The following JAKMIP1 variants were observed in gnomAD, a reference collection of about 807,000 sequenced individuals.
JAKMIP1 encodes janus kinase and microtubule-interacting protein 1.
Under a neutral mutation model 113.0 loss-of-function variants are expected in JAKMIP1, and 33 were observed. The ratio of observed to expected loss-of-function variants is 0.29; its 90% CI spans 0.22 to 0.39. JAKMIP1 has a LOEUF of 0.39. JAKMIP1 is among the 10% of genes least tolerant of loss of function. JAKMIP1 has a pLI of 1.00. For missense variants in JAKMIP1, 813 were observed against 1,080.5 expected, an observed-to-expected ratio of 0.75 and a Z score of 3.47; for synonymous variants, 480 against 459.9, an observed-to-expected ratio of 1.04 and a Z score of -0.56.
chr4:6,056,720 T>C lies in JAKMIP1; in HGVS notation c.1684A>G (p.Thr562Ala). The C allele has an allele frequency of 6.2e-7, 1 of 1,613,802 alleles. No homozygotes were observed. The highest frequency in any genetic ancestry group is 8.5e-7 in the Non-Finnish European group (1 of 1,179,824). Residue 562 changes from threonine (T) to alanine (A), a missense_variant, in exon 12 of 21, where the codon ACA becomes GCA. Physicochemically the swap from Thr to Ala is moderately conservative, Grantham distance 58. This residue lies in a region of JAKMIP1 where 273 missense variants were observed against 426.6 expected (regional missense o/e 0.64). Transcript: ENST00000409021. ...WVEEKQLLIR[T>A]NQDLLEKIYR... is the part of the protein sequence containing the mutation. ...ACCTTTTCCAGCAAGTCTTGGTTTG[T>C]TCTGATGAGCAGCTGCTTCTCTTCA...
At position 6,157,924 on chromosome 4, in the gene JAKMIP1, A is replaced by T. The variant is rs1470135097; in HGVS notation, c.-148+42329T>A. Among the ~76,000 whole-genome samples, 1 of 152,262 alleles carries T rather than the reference A, an allele frequency of 6.6e-6. No homozygotes were observed. The highest frequency in any genetic ancestry group is 1.5e-5 in the Non-Finnish European group (1 of 68,040). ...GGGTGTCTTGCTTTGCATCAGCAGC[A>T]CTAACTCCTGATGCAACAGCTTTCT... On this transcript the variant is annotated intron_variant, in intron 1 of 20. Coordinates refer to ENST00000409021, the MANE Select transcript of JAKMIP1 (RefSeq NM_001099433.2). This position sits in a 1 kb window ranked among gnomAD's most constrained non-coding sequence, Gnocchi z 4.7.
chr4:6,117,277 T>G (rs924670177), intron 1 of JAKMIP1, among the ~76,000 whole-genome samples: 2 of 151,834 alleles, frequency 1.3e-5, no homozygotes, highest in African/African-American at 4.8e-5. Context: ...GCTTGAGAAA[T>G]AAAAGAATAG....
chr4:6,062,584 T>C (rs1717461027), intron 9 of JAKMIP1, 144 bp from the exon 10 acceptor site: 10 of 879,430 alleles, frequency 1.1e-5, no homozygotes, highest in Non-Finnish European at 1.4e-5. Context: ...AACGACCACA[T>C]CTCACAGTGC....
At position 6,106,096 on chromosome 4, in the gene JAKMIP1, A is replaced by G. The variant is rs1011214995; in HGVS notation, c.130-129T>C. On this transcript the variant is annotated intron_variant, in intron 2 of 20. Transcript: ENST00000409021. This position sits in a 1 kb window ranked among gnomAD's most constrained non-coding sequence, Gnocchi z 5.9. ...GACACCCACCTGGGCCCACGTTCCCATGGATTCCCCCTTCGGCAGTGCCCT... is the reference window on the plus strand; with the variant it reads ...GACACCCACCTGGGCCCACGTTCCCGTGGATTCCCCCTTCGGCAGTGCCCT... 13 of 634,952 alleles carry G rather than the reference A, an allele frequency of 2.0e-5. No homozygotes were observed. The highest frequency in any genetic ancestry group is 3.7e-5 in the African/African-American group (2 of 54,354). 39.3% of individuals were successfully genotyped at this position (634,952 alleles called of 1,614,324 possible).
intron 3 of JAKMIP1, among the ~76,000 whole-genome samples, chr4:6,098,268 T>C (rs1712183436): frequency 6.6e-6 from 1 of 152,046 alleles, no homozygotes; most frequent in African/African-American, 2.4e-5. Context: ...CTGTCTCTAC[T>C]AAAAATACAA....
In JAKMIP1 at chr4:6,129,814, C is replaced by T. The variant is rs1348667544; in HGVS notation, c.-147-16817G>A. On this transcript the variant is annotated intron_variant, in intron 1 of 20. Coordinates refer to ENST00000409021, the MANE Select transcript of JAKMIP1 (RefSeq NM_001099433.2). This position sits in a 1 kb window ranked among gnomAD's most constrained non-coding sequence, Gnocchi z 5.4. ...TCCTGTTTCTGGCAGCCTCAATTGC[C>T]ACCATCACCTGTCACTGTCCCCCAG... 1.3e-5 allele frequency among the ~76,000 whole-genome samples: 2 copies of T among 152,190 alleles called. No individual in the cohort carries two copies. The highest frequency in any genetic ancestry group is 6.5e-5 in the Admixed American group (1 of 15,280).
chr4:6,054,833 G>A (rs1272104111), intron 12 of JAKMIP1: 1 of 456,642 alleles, frequency 2.2e-6, no homozygotes, highest in African/African-American at 2.0e-5. Context: ...CGAGGGCTTT[G>A]AGTAAAGCCT....
rs530328146 is a variant in JAKMIP1, at chr4:6,053,890, T to A, written c.1806+160A>T. 3 of 1,521,222 alleles carry A rather than the reference T, an allele frequency of 2.0e-6. No homozygotes were observed. The African/African-American group carries it at 4.2e-5, about 21-fold the overall frequency. 94.2% of individuals were successfully genotyped at this position (1,521,222 alleles called of 1,614,324 possible). A position where few individuals can be genotyped will look rare whatever the true frequency, so the allele number is the denominator to read the frequency against. On this transcript the variant is annotated intron_variant, in intron 13 of 20. Coordinates refer to ENST00000409021, the MANE Select transcript of JAKMIP1 (RefSeq NM_001099433.2). ...TAAGGCAGTGAAATTATTCTGAACA[T>A]ACAGATTTAAAAAAAAAAAGAAAGA...
intron 1 of JAKMIP1, among the ~76,000 whole-genome samples, chr4:6,132,219 T>A (rs1475518360): frequency 2.0e-5 from 3 of 152,188 alleles, no homozygotes; most frequent in African/African-American, 7.2e-5. Flanking sequence ...AGCAGTGTGT[T>A]GTTATTTGAA....
chr4:6,059,641 G>A lies in JAKMIP1; in HGVS notation c.1644+783C>T, dbSNP rs750662690. ...AAACAGCCAAGCAGAGGAAAAGTTCGAGATGGGGCAGTTCCAAGATGGTGG... is the reference window on the plus strand; with the variant it reads ...AAACAGCCAAGCAGAGGAAAAGTTCAAGATGGGGCAGTTCCAAGATGGTGG... On this transcript the variant is annotated intron_variant, in intron 11 of 20. Transcript: ENST00000409021. The surrounding 1 kb of genome is among the most constrained non-coding windows in gnomAD (Gnocchi z 4.8). Among the ~76,000 whole-genome samples, 15 of 152,140 alleles carry A rather than the reference G, an allele frequency of 9.9e-5. No homozygotes were observed. The highest frequency in any genetic ancestry group is 1.9e-4 in the East Asian group (1 of 5,138).
chr4:6,062,657 G>T (rs537013427), intron 9 of JAKMIP1, among the ~76,000 whole-genome samples: 126 of 152,306 alleles, frequency 8.3e-4, no homozygotes, highest in African/African-American at 3.0e-3. Flanking sequence ...GGAGGAAAGG[G>T]CTGCCAGGAG....
At position 6,108,166 on chromosome 4, in the gene JAKMIP1, G is replaced by T. The variant is rs540300951; in HGVS notation, c.130-2199C>A. 6.6e-6 allele frequency among the ~76,000 whole-genome samples: 1 copy of T among 152,186 alleles called. No individual in the cohort carries two copies. The highest frequency in any genetic ancestry group is 2.4e-5 in the African/African-American group (1 of 41,500). On this transcript the variant is annotated intron_variant, in intron 2 of 20. Coordinates refer to ENST00000409021, the MANE Select transcript of JAKMIP1 (RefSeq NM_001099433.2). This position sits in a 1 kb window ranked among gnomAD's most constrained non-coding sequence, Gnocchi z 5.6. ...GGGCCTGGGGACAGGGCCCTGCTGGGTCCCTCCAGCTCTGCCCAAAGCTGC... is the reference window on the plus strand; with the variant it reads ...GGGCCTGGGGACAGGGCCCTGCTGGTTCCCTCCAGCTCTGCCCAAAGCTGC...
chr4:6,070,301 AAC>A (rs1173284288), intron 8 of JAKMIP1: 1 of 389,182 alleles, frequency 2.6e-6, no homozygotes, highest in African/African-American at 2.1e-5. Context: ...CCTTTCCTCT[AAC>A]ACACCCGCCC....
At chr4:6,047,657 C>T (rs749978733) in intron 16 of JAKMIP1, among the ~76,000 whole-genome samples, 8 of 152,342 alleles carry the variant, frequency 5.3e-5, no homozygotes, top group Middle Eastern at 6.8e-3. Flanking sequence ...GTATCCTTTA[C>T]TTGATTGAGG....
In JAKMIP1 at chr4:6,026,205, G is replaced by A. The variant is rs772410033; in HGVS notation, c.*23C>T. ...TGCGAAAAGGAAAGGATACCAACCC[G>A]AGTTCTTGGCTCACTGAAGTCATCA... On this transcript the variant is annotated 3_prime_UTR_variant, in exon 21 of 21. Transcript: ENST00000409021. The A allele has an allele frequency of 3.4e-5, 53 of 1,547,014 alleles. No individual in the cohort carries two copies. Among genetic ancestry groups the A allele is most frequent in the African/African-American group, 2.9e-4 (21 of 72,642 alleles).
At position 6,186,012 on chromosome 4, in the gene JAKMIP1, G is replaced by A. The variant is rs1039954097; in HGVS notation, c.-148+14241C>T. ...GTGCTGGACAATAAGAGGGAGAAGA[G>A]GGGCACTCCATTCAGTAATGGAGAT... On this transcript the variant is annotated intron_variant, in intron 1 of 20. Transcript: ENST00000409021. The surrounding 1 kb of genome is among the most constrained non-coding windows in gnomAD (Gnocchi z 5.5). Among the ~76,000 whole-genome samples the A allele has an allele frequency of 1.3e-5, 2 of 152,154 alleles. No individual in the cohort carries two copies. The highest frequency in any genetic ancestry group is 2.9e-5 in the Non-Finnish European group (2 of 68,042).
At chr4:6,068,398 C>T (rs2108798941) in intron 8 of JAKMIP1, among the ~76,000 whole-genome samples, 1 of 152,206 alleles carries the variant, frequency 6.6e-6, no homozygotes, top group Admixed American at 6.5e-5. Flanking sequence ...GCTCTTAGAG[C>T]AGAAACCAAA....
At position 6,073,232 on chromosome 4, in the gene JAKMIP1, G is replaced by A. The variant is rs111873975; in HGVS notation, c.1302+5707C>T. 5.1e-3 allele frequency among the ~76,000 whole-genome samples: 780 copies of A among 152,150 alleles called. 7 individuals are homozygous for A. Among genetic ancestry groups the A allele is most frequent in the African/African-American group, 0.017 (723 of 41,522 alleles). On this transcript the variant is annotated intron_variant, in intron 8 of 20. Coordinates refer to ENST00000409021, the MANE Select transcript of JAKMIP1 (RefSeq NM_001099433.2). ...AGGCAGCAGGCTTGGCCTCAGGGGC[G>A]TGGGGCTAGGAGTCAAGTTTAGATA...
intron 8 of JAKMIP1, among the ~76,000 whole-genome samples, chr4:6,077,104 T>A (rs954465065): frequency 3.3e-5 from 5 of 152,224 alleles, no homozygotes; most frequent in African/African-American, 1.2e-4. Flanking sequence ...GATTAAACTG[T>A]ATCCCCCCAA....
Sources: allele counts gnomAD v4.1 joint callset (sites outside exome capture counted in the v4.1 genomes callset), GRCh38; gene constraint gnomAD v4.1.1; regional missense constraint gnomAD v4.1.1; non-coding constraint Gnocchi (gnomAD v3.1); transcripts MANE v1.5; gene names NCBI Gene and HGNC (gene_info 2026-07-23, HGNC 2026-07-21).